The following GPATCH8 variants were observed in gnomAD, a reference collection of about 807,000 sequenced individuals.
GPATCH8 encodes G-patch domain containing 8, also known as G patch domain-containing protein 8.
In GPATCH8, 18 loss-of-function variants were observed where a neutral mutation model predicts 118.3. That is an observed-to-expected ratio of 0.15 (90% CI 0.11 to 0.23). GPATCH8 has a LOEUF of 0.23. Among genes scored for constraint, GPATCH8 ranks in the 10% least tolerant of loss-of-function variants. The pLI is 1.00. For missense variants in GPATCH8, 1,631 were observed against 1,873.8 expected, an observed-to-expected ratio of 0.87 and a Z score of 2.39; for synonymous variants, 659 against 684.7, an observed-to-expected ratio of 0.96 and a Z score of 0.59.
intron 3 of GPATCH8, among the ~76,000 whole-genome samples, chr17:44,444,461 G>A (rs2050803006): frequency 6.6e-6 from 1 of 151,636 alleles, no homozygotes. Flanking sequence ...GAAAAAAACA[G>A]TTAAGTCTTT....
rs548317424 is a variant in GPATCH8 at position 44,425,033 on chromosome 17, A to G, written c.349-541T>C. The stretch of plus-strand genomic sequence containing the variant: ...AGGAGGTTGGAGAAAAACAACAACA[A>G]CAAAAAACTGTGGGACTGACTCAAA... On this transcript the variant is annotated intron_variant, in intron 5 of 7. Transcript: ENST00000591680. Among the ~76,000 whole-genome samples the G allele has an allele frequency of 2.0e-5, 3 of 152,314 alleles. No homozygotes were observed. The South Asian group carries it at 6.2e-4, about 32-fold the overall frequency.
chr17:44,435,294 A>T, intron 4 of GPATCH8, 143 bp from the exon 5 acceptor site: 1 of 650,078 alleles, frequency 1.5e-6, no homozygotes, highest in South Asian at 1.7e-5. Context: ...CTTTATTGTC[A>T]CCTCACAGAG....
chr17:44,489,197 T>TAAGA (rs1162328843), intron 1 of GPATCH8, among the ~76,000 whole-genome samples: 2 of 152,140 alleles, frequency 1.3e-5, no homozygotes, highest in African/African-American at 4.8e-5. Context: ...TTGGGAAAGT[T>TAAGA]AAGAGTGCAT....
chr17:44,458,332 T>C (rs2051416306), intron 3 of GPATCH8, among the ~76,000 whole-genome samples: 1 of 151,898 alleles, frequency 6.6e-6, no homozygotes, highest in Non-Finnish European at 1.5e-5. Context: ...TTCCCTGTAA[T>C]GTTTTCACTA....
chr17:44,396,755 A>C lies in GPATCH8; in HGVS notation c.*813T>G, dbSNP rs1423790130. 1 of 453,280 alleles carries C rather than the reference A, an allele frequency of 2.2e-6. No homozygotes were observed. The highest frequency in any genetic ancestry group is 1.6e-5 in the South Asian group (1 of 64,068). 28.1% of individuals were successfully genotyped at this position (453,280 alleles called of 1,614,324 possible). A position where few individuals can be genotyped will look rare whatever the true frequency, so the allele number is the denominator to read the frequency against. On this transcript the variant is annotated 3_prime_UTR_variant, in exon 8 of 8. Transcript: ENST00000591680. ...CAAAAAGCAGCATTTACGTTTATAG[A>C]GTTCAGTGCAATTTTTTACATTAAA...
At chr17:44,440,949 T>G (rs933591992) in intron 3 of GPATCH8, among the ~76,000 whole-genome samples, 1 of 152,108 alleles carries the variant, frequency 6.6e-6, no homozygotes, top group Non-Finnish European at 1.5e-5. Context: ...CTCCCAAGTT[T>G]AAGCAATTGT....
intron 1 of GPATCH8, among the ~76,000 whole-genome samples, chr17:44,492,078 T>A (rs1199474858): frequency 6.6e-6 from 1 of 151,990 alleles, no homozygotes; most frequent in East Asian, 1.9e-4. Flanking sequence ...GGTGGGTGGA[T>A]CACCTGAGGT....
At chr17:44,480,417 T>TA (rs1477247139) in intron 1 of GPATCH8, among the ~76,000 whole-genome samples, 3 of 151,548 alleles carry the variant, frequency 2.0e-5, no homozygotes, top group Non-Finnish European at 4.4e-5. Flanking sequence ...CCGTCTCTAC[T>TA]AAAAAATACA....
At chr17:44,475,048 A>G (rs1967629491) in intron 1 of GPATCH8, 145 bp from the exon 2 acceptor site, 6 of 644,788 alleles carry the variant, frequency 9.3e-6, no homozygotes, top group Non-Finnish European at 1.7e-5. Context: ...TTCAGTACAC[A>G]ATCAAAACCA....
At chr17:44,501,403 C>T (rs1970055203) in intron 1 of GPATCH8, among the ~76,000 whole-genome samples, 1 of 143,560 alleles carries the variant, frequency 7.0e-6, no homozygotes. Flanking sequence ...GGCGACACAG[C>T]GAGACTCCAT....
At chr17:44,495,578 C>T (rs944010343) in intron 1 of GPATCH8, among the ~76,000 whole-genome samples, 1 of 152,186 alleles carries the variant, frequency 6.6e-6, no homozygotes, top group African/African-American at 2.4e-5. Flanking sequence ...GAAATACTTA[C>T]ACTACAATAC....
intron 3 of GPATCH8, among the ~76,000 whole-genome samples, chr17:44,440,542 G>C (rs1567991497): frequency 1.3e-5 from 2 of 152,062 alleles, no homozygotes. Flanking sequence ...CAAAGCTCTG[G>C]GATTACAAGT....
intron 4 of GPATCH8, among the ~76,000 whole-genome samples, chr17:44,435,797 G>A (rs1372050795): frequency 8.8e-5 from 13 of 147,396 alleles, no homozygotes; most frequent in African/African-American, 1.5e-4. Flanking sequence ...CGAGGCGGGC[G>A]GGTCACCTGA....
intron 2 of GPATCH8, among the ~76,000 whole-genome samples, chr17:44,470,475 T>C (rs1967189269): frequency 6.9e-6 from 1 of 145,254 alleles, no homozygotes; most frequent in African/African-American, 2.6e-5. Context: ...ATTATAGGTG[T>C]GAGCCACTGC....
At position 44,398,964 on chromosome 17, in the gene GPATCH8, T is replaced by C. The variant is rs753259832; in HGVS notation, c.3113A>G (p.Tyr1038Cys). 3 of 1,614,094 alleles carry C rather than the reference T, an allele frequency of 1.9e-6. No homozygotes were observed. The highest frequency in any genetic ancestry group is 1.7e-5 in the Admixed American group (1 of 60,014). The change falls in exon 8 of 8, where the codon TAT becomes TGT. Residue 1038 changes from tyrosine to cysteine, a missense_variant. Tyr to Cys is a radical substitution (Grantham distance 194). This residue lies in a region of GPATCH8 where 922 missense variants were observed against 879.7 expected (regional missense o/e 1.05). Transcript: ENST00000591680. ...SKIYRSQSPH[Y>C]FRSGRGEGPG... Reference sequence around the variant, plus strand: ...ACCTTCTCCCCGGCCTGATCGGAAATAGTGGGGGGACTGGGAGCGGTAGAT... The same window carrying C: ...ACCTTCTCCCCGGCCTGATCGGAAACAGTGGGGGGACTGGGAGCGGTAGAT...
chr17:44,463,277 C>T (rs1424278642), intron 3 of GPATCH8, among the ~76,000 whole-genome samples: 1 of 152,142 alleles, frequency 6.6e-6, no homozygotes, highest in Non-Finnish European at 1.5e-5. Flanking sequence ...ACTGAAAATC[C>T]ATTTCCTGAA....
chr17:44,420,269 G>T (rs958600836), intron 6 of GPATCH8, among the ~76,000 whole-genome samples: 1 of 152,144 alleles, frequency 6.6e-6, no homozygotes, highest in Admixed American at 6.5e-5. Flanking sequence ...GGATCACCTA[G>T]ATGAGCACTT....
At chr17:44,425,849 T>C (rs1451453616) in intron 5 of GPATCH8, among the ~76,000 whole-genome samples, 1 of 152,012 alleles carries the variant, frequency 6.6e-6, no homozygotes, top group Non-Finnish European at 1.5e-5. Context: ...GCAACAAAAC[T>C]AGAGTTCCTG....
Position 44,396,648 on chromosome 17 carries a change from G to C in GPATCH8, c.*920C>G, listed in dbSNP as rs1457833352. Reference sequence around the variant, plus strand: ...CAAACATATTTACACAAAGCCACCAGAACGAGGATCACTTAAAGAGCTGGA... The same window carrying C: ...CAAACATATTTACACAAAGCCACCACAACGAGGATCACTTAAAGAGCTGGA... On this transcript the variant is annotated 3_prime_UTR_variant, in exon 8 of 8. Coordinates refer to ENST00000591680, the MANE Select transcript of GPATCH8 (RefSeq NM_001002909.4). The C allele has an allele frequency of 4.5e-6, 2 of 447,968 alleles. No individual in the cohort carries two copies. The highest frequency in any genetic ancestry group is 2.4e-5 in the Admixed American group (1 of 40,934). 27.7% of individuals were successfully genotyped at this position (447,968 alleles called of 1,614,324 possible).
Sources: allele counts gnomAD v4.1 joint callset (sites outside exome capture counted in the v4.1 genomes callset), GRCh38; gene constraint gnomAD v4.1.1; regional missense constraint gnomAD v4.1.1; transcripts MANE v1.5; gene names NCBI Gene and HGNC (gene_info 2026-07-23, HGNC 2026-07-21).